Variants in NR3C2 observed in about 807,000 individuals in gnomAD.
NR3C2 encodes nuclear receptor subfamily 3 group C member 2, also known as mineralocorticoid receptor.
A neutral mutation model predicts 86.4 loss-of-function variants in NR3C2; 15 were observed. That is an observed-to-expected ratio of 0.17 (90% CI 0.12 to 0.27). The LOEUF (loss-of-function observed/expected upper bound fraction) is 0.27, where lower values mean the gene tolerates loss of function less well. Among genes scored for constraint, NR3C2 ranks in the 10% least tolerant of loss-of-function variants. NR3C2 has a pLI of 1.00. For synonymous variants in NR3C2, 458 were observed against 450.5 expected (o/e 1.02, Z -0.21); for missense variants, 960 against 1,195.6 (o/e 0.80, Z 2.91).
intron 3 of NR3C2, among the ~76,000 whole-genome samples, chr4:148,236,177 A>G (rs1409799380): frequency 6.6e-6 from 1 of 152,192 alleles, no homozygotes; most frequent in Non-Finnish European, 1.5e-5. Context: ...AGGGCTGAAT[A>G]CCACTGCACT....
intron 4 of NR3C2, among the ~76,000 whole-genome samples, chr4:148,188,784 T>C (rs189854756): frequency 2.2e-4 from 33 of 152,268 alleles, no homozygotes; most frequent in African/African-American, 7.5e-4. Context: ...AGAGGAGTGG[T>C]GACAGTGGGC....
Position 148,156,412 on chromosome 4 carries a change from A to C in NR3C2, c.2015-1511T>G, listed in dbSNP as rs1381822605. Among the ~76,000 whole-genome samples the C allele has an allele frequency of 2.6e-5, 4 of 152,142 alleles. 1 individual carries two copies. Among genetic ancestry groups the C allele is most frequent in the African/African-American group, 9.6e-5 (4 of 41,458 alleles). On this transcript the variant is annotated intron_variant, in intron 4 of 8. Coordinates refer to ENST00000358102, the MANE Select transcript of NR3C2 (RefSeq NM_000901.5). The stretch of plus-strand genomic sequence containing the variant: ...ATCTACAATGAACTCAAACAAATTT[A>C]CAAGAAAAAAACAAACAACCCCATC...
At chr4:148,291,452 A>G (rs970335651) in intron 2 of NR3C2, among the ~76,000 whole-genome samples, 1 of 151,994 alleles carries the variant, frequency 6.6e-6, no homozygotes, top group Non-Finnish European at 1.5e-5. Context: ...TATTGTTTTT[A>G]TTGATATTAA....
chr4:148,433,798 T>C (rs917528335), intron 2 of NR3C2, among the ~76,000 whole-genome samples: 2 of 152,190 alleles, frequency 1.3e-5, no homozygotes, highest in Non-Finnish European at 2.9e-5. Flanking sequence ...AGCAAAGCAC[T>C]AGCAGTAAAA....
chr4:148,289,397 T>C (rs890689321), intron 2 of NR3C2, among the ~76,000 whole-genome samples: 2 of 152,144 alleles, frequency 1.3e-5, no homozygotes, highest in African/African-American at 4.8e-5. Flanking sequence ...TCAAAGAACA[T>C]TTTTAAAAGT....
intron 8 of NR3C2, among the ~76,000 whole-genome samples, chr4:148,092,314 T>C (rs986175202): frequency 2.0e-5 from 3 of 152,212 alleles, no homozygotes; most frequent in African/African-American, 7.2e-5. Flanking sequence ...TAACCTGCTG[T>C]CCACATCTTT....
chr4:148,114,172 G>C lies in NR3C2; in HGVS notation c.2731C>G (p.Pro911Ala), dbSNP rs1394613287. 1.2e-6 allele frequency: 2 copies of C among 1,613,728 alleles called. No homozygotes were observed. ...KELRKMVTKC[P>A]NNSGQSWQRF... is the part of the protein sequence containing the mutation. ...TGCCAGCTCTGCCCAGAATTGTTGG[G>C]ACACTTAGTTACCATCTTCCTCAGT... The change falls in exon 8 of 9, where the codon CCC becomes GCC. Residue 911 changes from proline (P) to alanine (A), a missense_variant. Physicochemically the swap from Pro to Ala is conservative, Grantham distance 27. Transcript: ENST00000358102.
At position 148,259,755 on chromosome 4, in the gene NR3C2, C is replaced by A. The variant is rs530177194; in HGVS notation, c.1897+223G>T. On this transcript the variant is annotated intron_variant, in intron 3 of 8. Transcript: ENST00000358102. ...ACTGTGACAAACAACAAAAAATCCT[C>A]TTTGGTTGATCCTTGCTCAGAATTT... is the stretch of plus-strand genomic sequence containing the variant. 2.0e-5 allele frequency among the ~76,000 whole-genome samples: 3 copies of A among 152,288 alleles called. No individual in the cohort carries two copies. In the East Asian group the frequency reaches 5.8e-4, roughly 29 times the overall value.
chr4:148,153,878 C>T (rs560566927), intron 5 of NR3C2, among the ~76,000 whole-genome samples: 54 of 152,222 alleles, frequency 3.5e-4, no homozygotes, highest in Middle Eastern at 6.8e-3. Context: ...GATTAACCCT[C>T]GTTATGAGCC....
At chr4:148,333,151 G>A (rs1744311029) in intron 2 of NR3C2, among the ~76,000 whole-genome samples, 1 of 151,978 alleles carries the variant, frequency 6.6e-6, no homozygotes, top group South Asian at 2.1e-4. Context: ...TGTGCCTGTG[G>A]TCCCAGCTAC....
chr4:148,222,927 T>C (rs1031365777), intron 3 of NR3C2, among the ~76,000 whole-genome samples: 1 of 152,064 alleles, frequency 6.6e-6, no homozygotes, highest in African/African-American at 2.4e-5. Context: ...AAGACCTATA[T>C]ACATAAATGC....
At chr4:148,099,284 C>T (rs1731430786) in intron 8 of NR3C2, among the ~76,000 whole-genome samples, 1 of 152,184 alleles carries the variant, frequency 6.6e-6, no homozygotes, top group Non-Finnish European at 1.5e-5. Context: ...TGCAAGGCCA[C>T]ACCCCCATGA....
intron 2 of NR3C2, among the ~76,000 whole-genome samples, chr4:148,337,434 C>G (rs779072334): frequency 1.3e-5 from 2 of 152,174 alleles, no homozygotes; most frequent in Admixed American, 1.3e-4. Flanking sequence ...ATTCATAATA[C>G]CACTTCTGAC....
chr4:148,331,654 T>C (rs1188472915), intron 2 of NR3C2, among the ~76,000 whole-genome samples: 1 of 152,226 alleles, frequency 6.6e-6, no homozygotes, highest in Non-Finnish European at 1.5e-5. Context: ...GACTTTCATT[T>C]TGGAAACAGA....
At chr4:148,420,359 G>A (rs1386896542) in intron 2 of NR3C2, among the ~76,000 whole-genome samples, 2 of 152,144 alleles carry the variant, frequency 1.3e-5, no homozygotes, top group Non-Finnish European at 2.9e-5. Flanking sequence ...TTTTCTTTAA[G>A]CTAATATGAG....
chr4:148,415,661 C>T (rs1353840636), intron 2 of NR3C2, among the ~76,000 whole-genome samples: 1 of 152,092 alleles, frequency 6.6e-6, no homozygotes, highest in Non-Finnish European at 1.5e-5. Context: ...ATCCATGAAG[C>T]CTAGATCCTA....
intron 2 of NR3C2, among the ~76,000 whole-genome samples, chr4:148,381,817 G>C (rs1380991733): frequency 6.6e-6 from 1 of 152,126 alleles, no homozygotes; most frequent in Non-Finnish European, 1.5e-5. Flanking sequence ...GGTGAGCTCT[G>C]TTAACGCTTG....
intron 8 of NR3C2, among the ~76,000 whole-genome samples, chr4:148,097,751 GTT>G (rs553156519): frequency 1.9e-5 from 2 of 102,906 alleles, no homozygotes; most frequent in Non-Finnish European, 1.8e-5. Flanking sequence ...GTTTTTTTTT[GTT>G]TTTTTTTTTT....
intron 2 of NR3C2, among the ~76,000 whole-genome samples, chr4:148,373,170 T>G (rs759355299): frequency 2.0e-5 from 3 of 152,220 alleles, no homozygotes; most frequent in Non-Finnish European, 4.4e-5. Flanking sequence ...CCTCCAATGC[T>G]GATGGCACTC....
Sources: gnomAD v4.1 joint callset for allele counts (sites outside exome capture counted in the v4.1 genomes callset) on GRCh38, gnomAD v4.1.1 for gene constraint, MANE v1.5 for transcripts, NCBI Gene and HGNC (gene_info 2026-07-23, HGNC 2026-07-21) for gene names.